COX5A: variants seen among roughly 807,000 people sequenced by gnomAD.
COX5A encodes cytochrome c oxidase subunit 5A.
A neutral mutation model predicts 16.1 loss-of-function variants in COX5A; 6 were observed. The ratio of observed to expected loss-of-function variants is 0.37; its 90% CI spans 0.20 to 0.73. COX5A has a LOEUF of 0.73. Ranked by LOEUF, COX5A falls within the 30% of genes least tolerant of loss-of-function variation. COX5A has a pLI of 0.50. For synonymous variants in COX5A, 73 were observed against 73.8 expected (o/e 0.99, Z 0.06); for missense variants, 159 against 194.9 (o/e 0.82, Z 1.10).
chr15:74,936,253 C>A (rs1186478528), intron 1 of COX5A, among the ~76,000 whole-genome samples: 1 of 150,560 alleles, frequency 6.6e-6, no homozygotes, highest in Non-Finnish European at 1.5e-5. Context: ...GCAACAAGAA[C>A]GAAACTCTGT....
intron 3 of COX5A, among the ~76,000 whole-genome samples, chr15:74,924,642 T>G (rs757192899): frequency 6.6e-6 from 1 of 152,176 alleles, no homozygotes; most frequent in Non-Finnish European, 1.5e-5. Context: ...CATCTTAAAG[T>G]CTAGAATTAC....
rs1399409634 is a variant in COX5A at position 74,937,946 on chromosome 15, C to T, written c.69G>A (p.Leu23=). Residue 23 remains leucine, a synonymous_variant, in exon 1 of 5, where the codon CTG becomes CTA. Coordinates refer to ENST00000322347, the MANE Select transcript of COX5A (RefSeq NM_004255.4). ...CGGGGCCGGGGGTCCGGGCGGAGTG[C>T]AGGAGGCCTCGAGGGTCGGCCCGGG... is the stretch of plus-strand genomic sequence containing the variant. ...ATTRADPRGL[L]HSARTPGPAV... is the part of the protein sequence containing the mutation. The T allele has an allele frequency of 8.1e-7, 1 of 1,232,902 alleles. No individual in the cohort carries two copies. Among genetic ancestry groups the T allele is most frequent in the Non-Finnish European group, 1.0e-6 (1 of 987,764 alleles). The allele number at this position is 1,232,902 out of a possible 1,614,324, so 76.4% of individuals were successfully genotyped here.
chr15:74,935,836 C>T (rs961904814), intron 1 of COX5A, among the ~76,000 whole-genome samples: 12 of 151,922 alleles, frequency 7.9e-5, no homozygotes, highest in African/African-American at 2.7e-4. Flanking sequence ...GTAATCTACC[C>T]GCCACAACCT....
intron 1 of COX5A, chr15:74,937,649 C>A: frequency 3.4e-6 from 1 of 291,818 alleles, no homozygotes; most frequent in Non-Finnish European, 6.4e-6. Flanking sequence ...GGGAGCGCTG[C>A]GTCCCCTCCT....
At chr15:74,924,141 A>G (rs1306244354) in intron 3 of COX5A, among the ~76,000 whole-genome samples, 1 of 152,150 alleles carries the variant, frequency 6.6e-6, no homozygotes, top group East Asian at 1.9e-4. Flanking sequence ...AGATCACGCC[A>G]CTGCACTCCA....
intron 1 of COX5A, among the ~76,000 whole-genome samples, chr15:74,937,259 G>A (rs944542420): frequency 6.6e-6 from 1 of 152,124 alleles, no homozygotes; most frequent in African/African-American, 2.4e-5. Flanking sequence ...GTATTCCTGT[G>A]TCTGTGACAT....
At position 74,920,184 on chromosome 15, in the gene COX5A, T is replaced by C; in HGVS notation, c.*268A>G. On this transcript the variant is annotated 3_prime_UTR_variant, in exon 5 of 5. Transcript: ENST00000322347. ...GGTTTCCAGAGAATTAACACAGTTC[T>C]CTCAGCATGTAAGAGGGCAGCAAAA... 1.9e-6 allele frequency: 1 copy of C among 534,522 alleles called. No individual in the cohort carries two copies. Among genetic ancestry groups the C allele is most frequent in the Non-Finnish European group, 3.2e-6 (1 of 310,834 alleles). The allele number at this position is 534,522 out of a possible 1,614,324, so 33.1% of individuals were successfully genotyped here.
At chr15:74,928,037 A>T (rs556042025) in intron 2 of COX5A, among the ~76,000 whole-genome samples, 2 of 152,222 alleles carry the variant, frequency 1.3e-5, no homozygotes, top group South Asian at 4.1e-4. Flanking sequence ...TCTTTTTATT[A>T]CTTCTACTCC....
Position 74,920,211 on chromosome 15 carries a change from C to T in COX5A, c.*241G>A. ...TCAGCATGTAAGAGGGCAGCAAAAC[C>T]ATGAAACCAATACAGCACTTAATTT... On this transcript the variant is annotated 3_prime_UTR_variant, in exon 5 of 5. Transcript: ENST00000322347. The T allele has an allele frequency of 1.8e-6, 1 of 549,462 alleles. No individual in the cohort carries two copies. Among genetic ancestry groups the T allele is most frequent in the South Asian group, 2.6e-5 (1 of 38,362 alleles). 34.0% of individuals were successfully genotyped at this position (549,462 alleles called of 1,614,324 possible).
intron 3 of COX5A, among the ~76,000 whole-genome samples, chr15:74,926,518 A>G (rs1242771620): frequency 3.3e-5 from 5 of 152,056 alleles, no homozygotes; most frequent in Admixed American, 6.6e-5. Flanking sequence ...AAAAGAGAGA[A>G]AAAAGAAAAA....
At chr15:74,934,196 C>T (rs1004239997) in intron 1 of COX5A, among the ~76,000 whole-genome samples, 5 of 152,130 alleles carry the variant, frequency 3.3e-5, no homozygotes, top group Non-Finnish European at 7.3e-5. Flanking sequence ...CTGCAGTGAG[C>T]TATGACTGCG....
chr15:74,931,741 A>G (rs116072292), intron 1 of COX5A, among the ~76,000 whole-genome samples: 3,216 of 152,018 alleles, frequency 0.021, 58 homozygotes, highest in East Asian at 0.067. Context: ...TTGAGTAGAG[A>G]CGGGATTTCA....
intron 1 of COX5A, among the ~76,000 whole-genome samples, chr15:74,936,318 A>C (rs79333408): frequency 1.2e-3 from 151 of 127,304 alleles, no homozygotes; most frequent in Non-Finnish European, 1.2e-3. Context: ...AACAAACAAA[A>C]AAAAACAAGG....
In COX5A at chr15:74,923,639, G is replaced by C; in HGVS notation, c.*9+9C>G. On this transcript the variant is annotated intron_variant, in intron 4 of 4. Transcript: ENST00000322347. ...GTTTTCCTGCCTTCTTCAGTGGTTT[G>C]TCGCTTACCCATGCGGTTTACACTT... The C allele has an allele frequency of 1.3e-6, 2 of 1,496,238 alleles. No individual in the cohort carries two copies. The highest frequency in any genetic ancestry group is 1.9e-6 in the Non-Finnish European group (2 of 1,074,526). 92.7% of individuals were successfully genotyped at this position (1,496,238 alleles called of 1,614,324 possible).
At chr15:74,924,810 A>G (rs560751305) in intron 3 of COX5A, among the ~76,000 whole-genome samples, 13 of 152,226 alleles carry the variant, frequency 8.5e-5, no homozygotes, top group Non-Finnish European at 1.8e-4. Context: ...TTGATAGCCT[A>G]CAGAACCCTT....
chr15:74,933,745 A>G lies in COX5A; in HGVS notation c.100+4170T>C, dbSNP rs12437831. On this transcript the variant is annotated intron_variant, in intron 1 of 4. Coordinates refer to ENST00000322347, the MANE Select transcript of COX5A (RefSeq NM_004255.4). ...AATTCCACTCCTAAGTATTTACCCA[A>G]TGAAAGGTCTATGTACTCCTTCCCC... 9.6e-3 allele frequency among the ~76,000 whole-genome samples: 1,456 copies of G among 152,234 alleles called. 42 individuals are homozygous for G. The highest frequency in any genetic ancestry group is 0.054 in the Admixed American group (830 of 15,266).
chr15:74,925,719 C>T (rs1453010982), intron 3 of COX5A, among the ~76,000 whole-genome samples: 1 of 152,016 alleles, frequency 6.6e-6, no homozygotes, highest in Middle Eastern at 3.2e-3. Flanking sequence ...AAACACATTT[C>T]TACAGTATCA....
At chr15:74,936,622 CTTT>C (rs1021836626) in intron 1 of COX5A, among the ~76,000 whole-genome samples, 5 of 112,422 alleles carry the variant, frequency 4.4e-5, no homozygotes, top group Admixed American at 9.9e-5. Flanking sequence ...AAAACATATT[CTTT>C]TTTTTTTTTT....
intron 3 of COX5A, among the ~76,000 whole-genome samples, chr15:74,926,524 A>G (rs2065345325): frequency 6.6e-6 from 1 of 152,080 alleles, no homozygotes; most frequent in Admixed American, 6.6e-5. Context: ...GAGAAAAAAG[A>G]AAAAAGATAA....
Sources: gnomAD v4.1 joint callset for allele counts (sites outside exome capture counted in the v4.1 genomes callset) on GRCh38, gnomAD v4.1.1 for gene constraint, MANE v1.5 for transcripts, NCBI Gene and HGNC (gene_info 2026-07-23, HGNC 2026-07-21) for gene names.